DPP10: variants seen among roughly 807,000 people sequenced by gnomAD.
The protein encoded by DPP10 is inactive dipeptidyl peptidase 10.
Under a neutral mutation model 120.9 loss-of-function variants are expected in DPP10, and 33 were observed. The observed-to-expected ratio is 0.27, with a 90% CI of 0.21 to 0.37. The LOEUF (loss-of-function observed/expected upper bound fraction) is 0.37. Among genes scored for constraint, DPP10 ranks in the 10% least tolerant of loss-of-function variants. The pLI, the probability that DPP10 is intolerant of heterozygous loss-of-function variation, is 1.00. For missense variants in DPP10, 816 were observed against 942.8 expected (o/e 0.87, Z 1.76); for synonymous variants, 337 against 326.1 (o/e 1.03, Z -0.36).
At chr2:114,929,910 G>A (rs1695943634) in intron 1 of DPP10, among the ~76,000 whole-genome samples, 1 of 152,106 alleles carries the variant, frequency 6.6e-6, no homozygotes, top group African/African-American at 2.4e-5. Flanking sequence ...TATTAATTTG[G>A]GGAACTAATA....
intron 1 of DPP10, among the ~76,000 whole-genome samples, chr2:114,910,330 A>G (rs1694276589): frequency 6.6e-6 from 1 of 152,064 alleles, no homozygotes; most frequent in East Asian, 1.9e-4. Flanking sequence ...TAGGCATTGT[A>G]CCTAATGGAT....
intron 4 of DPP10, among the ~76,000 whole-genome samples, chr2:115,506,121 G>T (rs952808637): frequency 4.6e-5 from 7 of 151,902 alleles, no homozygotes; most frequent in Non-Finnish European, 2.9e-5. Flanking sequence ...CCCTTCTTTT[G>T]ATCTTTCAGA....
intron 1 of DPP10, among the ~76,000 whole-genome samples, chr2:115,119,459 T>TG (rs933749798): frequency 3.3e-5 from 5 of 152,184 alleles, no homozygotes; most frequent in African/African-American, 7.2e-5. Context: ...ACATTCCAGA[T>TG]GGGGGGCCCT....
intron 1 of DPP10, among the ~76,000 whole-genome samples, chr2:114,450,803 C>A (rs1456027864): frequency 6.6e-6 from 1 of 151,956 alleles, no homozygotes; most frequent in East Asian, 1.9e-4. Context: ...CAGAGACAAC[C>A]CCTGTTGTTC....
chr2:114,880,106 T>C (rs1014818442), intron 1 of DPP10, among the ~76,000 whole-genome samples: 1 of 152,172 alleles, frequency 6.6e-6, no homozygotes, highest in African/African-American at 2.4e-5. Context: ...CTGTACTGAA[T>C]AAGGGAAATA....
intron 1 of DPP10, among the ~76,000 whole-genome samples, chr2:114,613,671 A>C (rs924761584): frequency 2.6e-5 from 4 of 152,206 alleles, no homozygotes; most frequent in African/African-American, 9.6e-5. Context: ...ATGCACACGT[A>C]TGTTTATTGC....
intron 1 of DPP10, among the ~76,000 whole-genome samples, chr2:114,990,435 A>G (rs1700692045): frequency 1.3e-5 from 2 of 151,946 alleles, no homozygotes; most frequent in African/African-American, 4.8e-5. Flanking sequence ...CTTTTCAGCC[A>G]TCTATCTATT....
intron 21 of DPP10, among the ~76,000 whole-genome samples, chr2:115,819,925 C>T (rs1395392094): frequency 1.3e-5 from 2 of 152,118 alleles, no homozygotes; most frequent in African/African-American, 2.4e-5. Flanking sequence ...ACCCAGGAGG[C>T]GGAGATTGTG....
chr2:114,813,994 C>T (rs1328032584), intron 1 of DPP10, among the ~76,000 whole-genome samples: 2 of 150,210 alleles, frequency 1.3e-5, no homozygotes, highest in African/African-American at 4.9e-5. Context: ...ACACCACGAG[C>T]TGGCCATTAG....
intron 1 of DPP10, among the ~76,000 whole-genome samples, chr2:115,094,315 G>C (rs571608658): frequency 2.0e-5 from 3 of 152,044 alleles, no homozygotes; most frequent in Non-Finnish European, 4.4e-5. Context: ...TGGATGTTAC[G>C]CAGTTTCTAG....
At chr2:115,478,397 A>C (rs1162447303) in intron 3 of DPP10, among the ~76,000 whole-genome samples, 1 of 152,210 alleles carries the variant, frequency 6.6e-6, no homozygotes, top group Non-Finnish European at 1.5e-5. Context: ...ATGATGTTTA[A>C]AAACTAGTTC....
chr2:115,425,688 G>T (rs1521079), intron 3 of DPP10, among the ~76,000 whole-genome samples: 95,122 of 151,970 alleles, frequency 0.63, 30,562 homozygotes, highest in Middle Eastern at 0.75. Flanking sequence ...GGTTGATTCA[G>T]TAATTGATAG....
chr2:115,166,770 G>T (rs2052909584), intron 1 of DPP10, among the ~76,000 whole-genome samples: 1 of 151,850 alleles, frequency 6.6e-6, no homozygotes, highest in Admixed American at 6.6e-5. Context: ...ATTATCTTAT[G>T]AAGCACATTA....
chr2:115,811,896 T>C lies in DPP10; in HGVS notation c.1701-2897T>C, dbSNP rs1686689766. The stretch of plus-strand genomic sequence containing the variant: ...CAACTAGCCGAAATTCTTTATATAG[T>C]TCTCCATTTTTAAGTGTAACTCAAA... On this transcript the variant is annotated intron_variant, in intron 19 of 25. Transcript: ENST00000410059. 3.3e-5 allele frequency among the ~76,000 whole-genome samples: 5 copies of C among 152,340 alleles called. No individual in the cohort carries two copies. The South Asian group carries it at 1.0e-3, about 32-fold the overall frequency.
chr2:114,567,462 A>G (rs1689290103), intron 1 of DPP10, among the ~76,000 whole-genome samples: 1 of 152,164 alleles, frequency 6.6e-6, no homozygotes, highest in South Asian at 2.1e-4. Context: ...GTCAGAGAGC[A>G]GAGGAGAGGC....
chr2:115,596,250 A>T (rs965757929), intron 5 of DPP10, among the ~76,000 whole-genome samples: 1 of 152,194 alleles, frequency 6.6e-6, no homozygotes, highest in Admixed American at 6.6e-5. Flanking sequence ...ATTCAGACTG[A>T]ATTTCTAAAT....
intron 1 of DPP10, among the ~76,000 whole-genome samples, chr2:114,851,292 T>C (rs1294612151): frequency 2.6e-5 from 4 of 152,202 alleles, no homozygotes; most frequent in Non-Finnish European, 5.9e-5. Flanking sequence ...GATATTGTTA[T>C]ATGGGAGTTT....
chr2:114,861,915 C>T (rs1231374827), intron 1 of DPP10, among the ~76,000 whole-genome samples: 1 of 151,794 alleles, frequency 6.6e-6, no homozygotes, highest in East Asian at 1.9e-4. Flanking sequence ...GTAAGAAACC[C>T]CGAGAAAAGA....
At chr2:115,791,574 G>T (rs1373761127) in intron 19 of DPP10, among the ~76,000 whole-genome samples, 1 of 152,126 alleles carries the variant, frequency 6.6e-6, no homozygotes, top group Non-Finnish European at 1.5e-5. Context: ...ATGGAGTTTG[G>T]TGCTACTGCC....
Sources: gnomAD v4.1 joint callset for allele counts (sites outside exome capture counted in the v4.1 genomes callset) on GRCh38, gnomAD v4.1.1 for gene constraint, MANE v1.5 for transcripts, NCBI Gene and HGNC (gene_info 2026-07-23, HGNC 2026-07-21) for gene names.